OCA2: variants seen among roughly 807,000 people sequenced by gnomAD.
OCA2 encodes the protein P protein.
OCA2 carries 77 observed loss-of-function variants against 100.2 expected under a neutral mutation model. The observed-to-expected ratio is 0.77, with a 90% CI of 0.64 to 0.93. OCA2 has a LOEUF of 0.93. OCA2 is among the 40% of genes least tolerant of loss of function. The pLI is 0.00. For synonymous variants in OCA2, 432 were observed against 439.2 expected (o/e 0.98, Z 0.21); for missense variants, 1,062 against 1,089.1 (o/e 0.98, Z 0.35).
intron 9 of OCA2, among the ~76,000 whole-genome samples, chr15:28,001,643 C>G (rs533275447): frequency 6.6e-6 from 1 of 152,280 alleles, no homozygotes; most frequent in South Asian, 2.1e-4. Flanking sequence ...AGGAAGGGTG[C>G]AGGAAAAATG....
At chr15:27,746,868 T>C in the OCA2 span, among the ~76,000 whole-genome samples, 18 of 152,210 alleles carry the variant, frequency 1.2e-4, no homozygotes, top group Non-Finnish European at 2.1e-4. Context: ...CTCTTTGGCC[T>C]ACAGTCTGGT....
At chr15:27,807,092 C>T (rs1052722949) in intron 23 of OCA2, among the ~76,000 whole-genome samples, 13 of 67,316 alleles carry the variant, frequency 1.9e-4, no homozygotes, top group Non-Finnish European at 2.7e-4. Context: ...TAGTCACCCC[C>T]GGCCCGCCCA....
intron 18 of OCA2, among the ~76,000 whole-genome samples, chr15:27,928,067 C>G (rs2039111023): frequency 6.6e-6 from 1 of 152,180 alleles, no homozygotes; most frequent in South Asian, 2.1e-4. Flanking sequence ...GCTGGAATTA[C>G]AGGCATGAGC....
At chr15:27,772,179 G>C (rs1187429023) in intron 23 of OCA2, among the ~76,000 whole-genome samples, 1 of 152,166 alleles carries the variant, frequency 6.6e-6, no homozygotes, top group Non-Finnish European at 1.5e-5. Flanking sequence ...CTCTGGGCCT[G>C]ACCTTCCTTT....
At chr15:27,728,532 T>G in the OCA2 span, among the ~76,000 whole-genome samples, 1 of 152,166 alleles carries the variant, frequency 6.6e-6, no homozygotes, top group Non-Finnish European at 1.5e-5. Flanking sequence ...GCACTGTTCC[T>G]GCTGATATGA....
chr15:27,979,868 G>GTTTTT (rs35266057), intron 14 of OCA2, among the ~76,000 whole-genome samples: 2 of 108,030 alleles, frequency 1.9e-5, no homozygotes, highest in South Asian at 3.2e-4. Context: ...CCCAGCTAGT[G>GTTTTT]TTTTTTTTTT....
chr15:28,039,172 A>G (rs1304160655), intron 2 of OCA2, among the ~76,000 whole-genome samples: 4 of 147,668 alleles, frequency 2.7e-5, no homozygotes, highest in Non-Finnish European at 5.9e-5. Context: ...CTGACAAAAC[A>G]GGAGGGAAAA....
the OCA2 span, among the ~76,000 whole-genome samples, chr15:27,722,634 TTTCC>T: frequency 2.7e-5 from 4 of 147,914 alleles, no homozygotes; most frequent in East Asian, 4.0e-4. Context: ...CCTTCCTTCC[TTTCC>T]TTCCTTCCTT....
chr15:27,989,421 A>G (rs1005814680), intron 11 of OCA2, among the ~76,000 whole-genome samples, 180 bp downstream of exon 11: 19 of 152,178 alleles, frequency 1.2e-4, no homozygotes, highest in African/African-American at 4.6e-4. Context: ...TCTCCCGCCC[A>G]CGAACCATAG....
intron 22 of OCA2, among the ~76,000 whole-genome samples, chr15:27,848,835 T>C (rs1031465181): frequency 7.2e-5 from 11 of 151,784 alleles, no homozygotes; most frequent in Admixed American, 4.6e-4. Context: ...AAGACCTGGA[T>C]ATAACCTAAG....
chr15:27,793,950 C>T (rs969498864), intron 23 of OCA2, among the ~76,000 whole-genome samples: 4 of 152,192 alleles, frequency 2.6e-5, no homozygotes, highest in African/African-American at 9.7e-5. Flanking sequence ...AGGAGGCCCC[C>T]ATCCCACTAG....
chr15:27,821,657 C>T (rs1345158114), intron 23 of OCA2, among the ~76,000 whole-genome samples: 1 of 144,288 alleles, frequency 6.9e-6, no homozygotes, highest in Non-Finnish European at 1.5e-5. Context: ...CACACAGACA[C>T]AGGCTCACAT....
intron 19 of OCA2, among the ~76,000 whole-genome samples, chr15:27,896,837 T>C (rs1402204098): frequency 6.6e-6 from 1 of 152,146 alleles, no homozygotes; most frequent in Non-Finnish European, 1.5e-5. Flanking sequence ...GCATAAGTAA[T>C]GAGAAGCCGA....
intron 9 of OCA2, among the ~76,000 whole-genome samples, chr15:28,004,246 G>A (rs1014185494): frequency 4.7e-5 from 7 of 147,974 alleles, no homozygotes; most frequent in Non-Finnish European, 7.4e-5. Context: ...CATCCCCTGC[G>A]GCTCCGCCCC....
At chr15:28,000,048 A>T (rs944053462) in intron 9 of OCA2, among the ~76,000 whole-genome samples, 2 of 152,332 alleles carry the variant, frequency 1.3e-5, no homozygotes, top group Non-Finnish European at 2.9e-5. Flanking sequence ...ACTCAAAGCA[A>T]TCTACAGATT....
At chr15:28,076,575 C>T (rs1385909687) in intron 2 of OCA2, among the ~76,000 whole-genome samples, 5 of 152,060 alleles carry the variant, frequency 3.3e-5, no homozygotes, top group Admixed American at 2.0e-4. Context: ...TGGCCGGGCG[C>T]GGTGGCTCAC....
chr15:27,987,598 G>A (rs975900434), intron 11 of OCA2, among the ~76,000 whole-genome samples: 3 of 151,534 alleles, frequency 2.0e-5, no homozygotes, highest in South Asian at 2.1e-4. Flanking sequence ...GTGGGGTGGC[G>A]GGCGCCTGTA....
intron 19 of OCA2, among the ~76,000 whole-genome samples, chr15:27,872,298 A>T (rs1204348343): frequency 2.0e-5 from 3 of 152,272 alleles, no homozygotes; most frequent in African/African-American, 7.2e-5. Flanking sequence ...TTCTTTTTAA[A>T]GTTAAACATC....
chr15:28,068,079 T>C (rs566969722), intron 2 of OCA2, among the ~76,000 whole-genome samples: 1 of 152,344 alleles, frequency 6.6e-6, no homozygotes, highest in African/African-American at 2.4e-5. Flanking sequence ...TACTATGTTA[T>C]GCCCTTCATT....
Sources: gnomAD v4.1 joint callset for allele counts (sites outside exome capture counted in the v4.1 genomes callset) on GRCh38, gnomAD v4.1.1 for gene constraint, MANE v1.5 for transcripts, NCBI Gene and HGNC (gene_info 2026-07-23, HGNC 2026-07-21) for gene names.